Variants in COG3 observed in about 807,000 individuals in gnomAD.
COG3 encodes the protein component of oligomeric golgi complex 3.
Under a neutral mutation model 114.1 loss-of-function variants are expected in COG3, and 32 were observed. The observed-to-expected ratio is 0.28, with a 90% CI of 0.21 to 0.38. COG3 has a LOEUF of 0.38. COG3 is among the 10% of genes least tolerant of loss of function. The pLI is 1.00. For synonymous variants in COG3, 352 were observed against 365.7 expected (o/e 0.96, Z 0.43); for missense variants, 813 against 973.2 (o/e 0.84, Z 2.19).
chr13:45,523,023 C>T (rs1314910318), intron 19 of COG3, among the ~76,000 whole-genome samples: 2 of 152,178 alleles, frequency 1.3e-5, no homozygotes, highest in Admixed American at 1.3e-4. Flanking sequence ...AAAGTGCTTG[C>T]TGCAGAAATG....
chr13:45,491,583 A>G lies in COG3; in HGVS notation c.1095+45A>G, dbSNP rs7338543. 4.2e-3 allele frequency: 6,567 copies of G among 1,580,442 alleles called. 214 individuals are homozygous for G. In the African/African-American group the frequency reaches 0.075, roughly 18 times the overall value. On this transcript the variant is annotated intron_variant, in intron 10 of 22. Coordinates refer to ENST00000349995, the MANE Select transcript of COG3 (RefSeq NM_031431.4). ...GGTTTAATGTTAAATCTTCCTCTTG[A>G]GTTATGTTGATATCCTAGAAACTAT...
In COG3 at chr13:45,496,147, A is replaced by G; in HGVS notation, c.1328-5A>G. On this transcript the variant is annotated splice_polypyrimidine_tract_variant and splice_region_variant and intron_variant, in intron 12 of 22. Transcript: ENST00000349995. ...AAAGAATGGATGATTGCACTTTTTT[A>G]TCAGCTGAGCAACTGGGGGCATTTG... is the stretch of plus-strand genomic sequence containing the variant. 6.2e-7 allele frequency: 1 copy of G among 1,603,690 alleles called. No individual in the cohort carries two copies. The highest frequency in any genetic ancestry group is 8.5e-7 in the Non-Finnish European group (1 of 1,174,506).
chr13:45,474,519 A>G (rs1219007777), intron 1 of COG3, among the ~76,000 whole-genome samples: 2 of 152,204 alleles, frequency 1.3e-5, no homozygotes, highest in Non-Finnish European at 2.9e-5. Context: ...GTATCAGCTA[A>G]GAGAAGATAA....
At chr13:45,476,121 T>C in intron 1 of COG3, 80 bp from the exon 2 acceptor site, 1 of 1,342,934 alleles carries the variant, frequency 7.4e-7, no homozygotes, top group Non-Finnish European at 1.1e-6. Context: ...TCAAAACAAC[T>C]GAGATGGAAA....
At chr13:45,465,902 A>C (rs1448333797) in intron 1 of COG3, 1 of 152,230 alleles carries the variant, frequency 6.6e-6, no homozygotes. Context: ...ATTATGCACT[A>C]CTGCTTCTTG....
chr13:45,467,357 T>C (rs956246763), intron 1 of COG3, among the ~76,000 whole-genome samples: 1 of 152,182 alleles, frequency 6.6e-6, no homozygotes, highest in Non-Finnish European at 1.5e-5. Flanking sequence ...TTTGGGAGGC[T>C]AAGGCGGGAG....
At chr13:45,503,202 A>C (rs1355438909) in intron 13 of COG3, 42 bp from the exon 14 acceptor site, 1 of 934,530 alleles carries the variant, frequency 1.1e-6, no homozygotes, top group Non-Finnish European at 1.8e-6. Flanking sequence ...GTTGCCAAAC[A>C]CTGCTGAAAA....
Position 45,490,977 on chromosome 13 carries a change from A to T in COG3, c.968+19A>T. On this transcript the variant is annotated intron_variant, in intron 9 of 22. Transcript: ENST00000349995. Reference sequence around the variant, plus strand: ...TACCTGAGTGAGTACCTAGAAGTTAATCTGATTTCCACATGAACCTTTGTC... The same window carrying T: ...TACCTGAGTGAGTACCTAGAAGTTATTCTGATTTCCACATGAACCTTTGTC... 1 of 1,537,492 alleles carries T rather than the reference A, an allele frequency of 6.5e-7. No homozygotes were observed. The highest frequency in any genetic ancestry group is 9.0e-7 in the Non-Finnish European group (1 of 1,114,626).
At chr13:45,472,879 C>CT (rs1053969020) in intron 1 of COG3, among the ~76,000 whole-genome samples, 79 of 151,982 alleles carry the variant, frequency 5.2e-4, no homozygotes, top group Admixed American at 1.6e-3. Flanking sequence ...TGTTTTCTCT[C>CT]TTTTTTTTGA....
intron 1 of COG3, among the ~76,000 whole-genome samples, chr13:45,471,446 C>G (rs775595217): frequency 6.6e-6 from 1 of 152,012 alleles, no homozygotes; most frequent in African/African-American, 2.4e-5. Flanking sequence ...AGTATTCTTC[C>G]ATTTCTTCCT....
intron 6 of COG3, among the ~76,000 whole-genome samples, chr13:45,482,675 C>T (rs1354633408): frequency 6.6e-6 from 1 of 152,150 alleles, no homozygotes; most frequent in Non-Finnish European, 1.5e-5. Context: ...AATTCTTAGT[C>T]GTTATTAGCA....
chr13:45,478,369 C>T (rs1049555036), intron 2 of COG3, among the ~76,000 whole-genome samples: 20 of 150,944 alleles, frequency 1.3e-4, no homozygotes, highest in African/African-American at 4.9e-4. Flanking sequence ...TTAGTAGAGA[C>T]GGGGTTTCAC....
At chr13:45,506,620 T>C (rs1870180561) in intron 14 of COG3, among the ~76,000 whole-genome samples, 2 of 152,066 alleles carry the variant, frequency 1.3e-5, no homozygotes, top group African/African-American at 4.8e-5. Flanking sequence ...GTTGAGAAGG[T>C]AAGGATGAAC....
chr13:45,508,977 T>C (rs941613052), intron 14 of COG3, among the ~76,000 whole-genome samples: 2 of 151,938 alleles, frequency 1.3e-5, no homozygotes, highest in African/African-American at 2.4e-5. Context: ...TGTTTTCTTG[T>C]TACTCCCCCA....
At chr13:45,531,663 A>G (rs1346217072) in intron 22 of COG3, among the ~76,000 whole-genome samples, 1 of 152,044 alleles carries the variant, frequency 6.6e-6, no homozygotes, top group Admixed American at 6.6e-5. Context: ...GCCTGCCACC[A>G]TGCCGAGCTA....
intron 19 of COG3, among the ~76,000 whole-genome samples, chr13:45,521,896 G>C (rs374241370): frequency 3.9e-4 from 59 of 150,054 alleles, no homozygotes; most frequent in African/African-American, 1.4e-3. Flanking sequence ...TCTGCCTCCC[G>C]GGTCCAAGCA....
Position 45,516,221 on chromosome 13 carries a change from T to C in COG3, c.1888T>C (p.Phe630Leu), listed in dbSNP as rs1482823451. Residue 630 changes from phenylalanine to leucine, a missense_variant, in exon 17 of 23, where the codon TTC (phenylalanine) becomes CTC (leucine). Physicochemically the swap from Phe to Leu is conservative, Grantham distance 22. Coordinates refer to ENST00000349995, the MANE Select transcript of COG3 (RefSeq NM_031431.4). ...REQIAPFHTEFTIKEISLDLK... is the reference protein window; with the variant it reads ...REQIAPFHTELTIKEISLDLK... ...ACAAATTGCTCCATTTCACACTGAA[T>C]TCACCATTAAGGAAATTTCCCTGGA... 1.9e-6 allele frequency: 3 copies of C among 1,600,108 alleles called. No individual in the cohort carries two copies. Among genetic ancestry groups the C allele is most frequent in the East Asian group, 2.2e-5 (1 of 44,654 alleles).
intron 2 of COG3, among the ~76,000 whole-genome samples, chr13:45,478,041 A>G (rs910993954): frequency 2.0e-5 from 3 of 152,158 alleles, no homozygotes; most frequent in Admixed American, 1.3e-4. Context: ...TACCTACTCA[A>G]ATTTTGTAAA....
intron 14 of COG3, among the ~76,000 whole-genome samples, chr13:45,506,931 G>A (rs550868501): frequency 1.3e-5 from 2 of 152,300 alleles, no homozygotes; most frequent in East Asian, 3.9e-4. Flanking sequence ...AAAAAGTACA[G>A]CTTTGTTCTG....
Sources: allele counts gnomAD v4.1 joint callset (sites outside exome capture counted in the v4.1 genomes callset), GRCh38; gene constraint gnomAD v4.1.1; transcripts MANE v1.5; gene names NCBI Gene and HGNC (gene_info 2026-07-23, HGNC 2026-07-21).